GALNTL6: variants seen among roughly 807,000 people sequenced by gnomAD.
The protein encoded by GALNTL6 is polypeptide N-acetylgalactosaminyltransferase like 6, also known as polypeptide N-acetylgalactosaminyltransferase-like 6.
In GALNTL6, 46 loss-of-function variants were observed where a neutral mutation model predicts 73.7. That is an observed-to-expected ratio of 0.62 (90% confidence interval 0.49 to 0.80). The LOEUF is 0.80. GALNTL6 is among the 30% of genes least tolerant of loss of function. The pLI is 0.00. For missense variants in GALNTL6, 604 were observed against 755.0 expected (o/e 0.80, Z 2.34); for synonymous variants, 259 against 263.7 (o/e 0.98, Z 0.17).
rs1446022943 is a variant in GALNTL6, at chr4:172,405,216, CCATTCTTGACAACT to C, written c.553+56528_553+56541del. Among the ~76,000 whole-genome samples, 20 of 151,450 alleles carry C rather than the reference CCATTCTTGACAACT, an allele frequency of 1.3e-4. No individual in the cohort carries two copies. In the Admixed American group the frequency reaches 1.3e-3, roughly 10 times the overall value. ...ACAAGAGGCTCTTTTAGACACTAGG[CCATTCTTGACAACT>C]GAGTTCTCACATTTCCTCATCCACA... On this transcript the variant is annotated intron_variant, in intron 5 of 12. Coordinates refer to ENST00000506823, the MANE Select transcript of GALNTL6 (RefSeq NM_001034845.3).
intron 2 of GALNTL6, among the ~76,000 whole-genome samples, chr4:172,003,478 A>C (rs1740738827): frequency 6.6e-6 from 1 of 152,126 alleles, no homozygotes; most frequent in African/African-American, 2.4e-5. Context: ...GCTGTTCCTC[A>C]CGTTTCTCTT....
chr4:172,009,160 A>G (rs1028545886), intron 2 of GALNTL6, among the ~76,000 whole-genome samples: 2 of 152,088 alleles, frequency 1.3e-5, no homozygotes, highest in Admixed American at 1.3e-4. Flanking sequence ...TTTAATTTTC[A>G]TAAAAACATT....
chr4:172,139,755 C>G (rs1334932427), intron 2 of GALNTL6, among the ~76,000 whole-genome samples: 1 of 152,158 alleles, frequency 6.6e-6, no homozygotes, highest in African/African-American at 2.4e-5. Context: ...TAGATCATGT[C>G]CCCCTCACGG....
At chr4:172,330,315 C>T (rs1013038061) in intron 4 of GALNTL6, among the ~76,000 whole-genome samples, 2 of 152,128 alleles carry the variant, frequency 1.3e-5, no homozygotes, top group African/African-American at 4.8e-5. Context: ...GAGGGGATCT[C>T]CTGACCCATG....
intron 2 of GALNTL6, among the ~76,000 whole-genome samples, chr4:172,197,444 TA>T (rs1735810541): frequency 6.6e-6 from 1 of 152,062 alleles, no homozygotes; most frequent in South Asian, 2.1e-4. Context: ...AAACCTATTT[TA>T]AAATTCATAT....
chr4:171,878,533 T>C (rs565767633), intron 2 of GALNTL6, among the ~76,000 whole-genome samples: 4 of 152,320 alleles, frequency 2.6e-5, no homozygotes, highest in Admixed American at 2.0e-4. Flanking sequence ...CATTTCTATT[T>C]GGTGTCAATA....
chr4:172,542,163 G>A (rs1444289441), intron 5 of GALNTL6, among the ~76,000 whole-genome samples: 1 of 151,710 alleles, frequency 6.6e-6, no homozygotes, highest in Non-Finnish European at 1.5e-5. Flanking sequence ...CGGCAGATGT[G>A]CCAAATTTTA....
intron 2 of GALNTL6, among the ~76,000 whole-genome samples, chr4:172,001,630 T>C (rs190321537): frequency 2.6e-5 from 4 of 152,222 alleles, no homozygotes; most frequent in African/African-American, 7.2e-5. Flanking sequence ...AGCAGAGGCA[T>C]GGTATTTAAT....
chr4:172,832,511 T>C (rs1424086041), intron 7 of GALNTL6, among the ~76,000 whole-genome samples: 9 of 152,210 alleles, frequency 5.9e-5, no homozygotes, highest in Admixed American at 3.9e-4. Context: ...AAAGTTTAAA[T>C]TATCATCATT....
At chr4:172,712,877 A>G (rs1734797892) in intron 5 of GALNTL6, among the ~76,000 whole-genome samples, 1 of 152,198 alleles carries the variant, frequency 6.6e-6, no homozygotes, top group Non-Finnish European at 1.5e-5. Context: ...TTGAGGCTGA[A>G]CATAATGAGT....
intron 5 of GALNTL6, among the ~76,000 whole-genome samples, chr4:172,748,497 A>C (rs955867615): frequency 1.3e-5 from 2 of 152,096 alleles, no homozygotes; most frequent in Admixed American, 1.3e-4. Context: ...CAACATTATA[A>C]TGAAACAACA....
chr4:172,150,565 G>T (rs1033602549), intron 2 of GALNTL6, among the ~76,000 whole-genome samples: 11 of 152,198 alleles, frequency 7.2e-5, no homozygotes, highest in African/African-American at 2.4e-4. Context: ...GTGCAGCAAT[G>T]ATGTTGCATA....
chr4:171,974,234 G>C (rs887793785), intron 2 of GALNTL6, among the ~76,000 whole-genome samples: 3 of 151,850 alleles, frequency 2.0e-5, no homozygotes, highest in Non-Finnish European at 4.4e-5. Context: ...GTTTTGACTT[G>C]CAAAATATTC....
intron 4 of GALNTL6, among the ~76,000 whole-genome samples, chr4:172,332,651 GA>G (rs1741172975): frequency 6.6e-6 from 1 of 151,724 alleles, no homozygotes; most frequent in South Asian, 2.1e-4. Flanking sequence ...TTTTCTGGCT[GA>G]AAAATATTTC....
At chr4:172,547,902 G>A (rs1419844419) in intron 5 of GALNTL6, among the ~76,000 whole-genome samples, 1 of 152,110 alleles carries the variant, frequency 6.6e-6, no homozygotes, top group Non-Finnish European at 1.5e-5. Context: ...TTCTGAAATT[G>A]GTTTGATGCT....
chr4:172,689,967 G>A (rs1308484117), intron 5 of GALNTL6, among the ~76,000 whole-genome samples: 1 of 151,962 alleles, frequency 6.6e-6, no homozygotes, highest in Non-Finnish European at 1.5e-5. Flanking sequence ...CAAATTTGAG[G>A]AAAAAAATTA....
intron 5 of GALNTL6, among the ~76,000 whole-genome samples, chr4:172,362,791 A>G (rs1742417252): frequency 6.6e-6 from 1 of 152,156 alleles, no homozygotes; most frequent in Non-Finnish European, 1.5e-5. Flanking sequence ...CTAGACACCT[A>G]TGAATTGCTC....
chr4:172,143,297 C>T (rs1733847696), intron 2 of GALNTL6, among the ~76,000 whole-genome samples: 1 of 151,806 alleles, frequency 6.6e-6, no homozygotes, highest in South Asian at 2.1e-4. Flanking sequence ...GGAAATCTAT[C>T]TTTTGATTTG....
intron 4 of GALNTL6, among the ~76,000 whole-genome samples, chr4:172,322,504 T>G (rs1394217178): frequency 6.6e-6 from 1 of 152,088 alleles, no homozygotes; most frequent in Non-Finnish European, 1.5e-5. Context: ...GGGTAACTTA[T>G]AAAGAAAAAA....
Sources: gnomAD v4.1 joint callset for allele counts (sites outside exome capture counted in the v4.1 genomes callset) on GRCh38, gnomAD v4.1.1 for gene constraint, MANE v1.5 for transcripts, NCBI Gene and HGNC (gene_info 2026-07-23, HGNC 2026-07-21) for gene names.